IGF1: variants seen among roughly 807,000 people sequenced by gnomAD.
IGF1 encodes insulin like growth factor 1.
A neutral mutation model predicts 13.8 loss-of-function variants in IGF1; 4 were observed. The observed-to-expected ratio is 0.29, with a 90% CI of 0.14 to 0.66. IGF1 has a LOEUF of 0.66. Among genes scored for constraint, IGF1 ranks in the 30% least tolerant of loss-of-function variants. The pLI, the probability that IGF1 is intolerant of heterozygous loss-of-function variation, is 0.78. For synonymous variants in IGF1, 76 were observed against 72.6 expected, an observed-to-expected ratio of 1.05 and a Z score of -0.23; for missense variants, 124 against 188.5, an observed-to-expected ratio of 0.66 and a Z score of 2.00.
Position 102,397,816 on chromosome 12 carries a change from A to G in IGF1, c.*4691T>C, listed in dbSNP as rs1592724019. On this transcript the variant is annotated 3_prime_UTR_variant, in exon 4 of 4. Transcript: ENST00000337514. Reference sequence around the variant, plus strand: ...CTTTTGAAAATATTGGTGGAAAGCCATGTGATTTGAATGGAAAGATTCTTT... The same window carrying G: ...CTTTTGAAAATATTGGTGGAAAGCCGTGTGATTTGAATGGAAAGATTCTTT... 1 of 152,210 alleles carries G rather than the reference A, an allele frequency of 6.6e-6. No individual in the cohort carries two copies. The highest frequency in any genetic ancestry group is 1.5e-5 in the Non-Finnish European group (1 of 68,030). The allele number at this position is 152,210 out of a possible 1,614,324, so 9.4% of individuals were successfully genotyped here. A position where few individuals can be genotyped will look rare whatever the true frequency, so the allele number is the denominator to read the frequency against.
intron 2 of IGF1, among the ~76,000 whole-genome samples, chr12:102,445,884 C>A (rs113829123): frequency 9.2e-5 from 14 of 152,178 alleles, no homozygotes; most frequent in African/African-American, 3.4e-4. Context: ...ATGAACAGCT[C>A]TTATTATTTT....
chr12:102,468,921 G>C (rs751425468), intron 2 of IGF1, among the ~76,000 whole-genome samples: 9 of 152,198 alleles, frequency 5.9e-5, no homozygotes, highest in Non-Finnish European at 1.3e-4. Context: ...CAGAAGGAAG[G>C]CTGCTGAAGA....
chr12:102,413,193 T>TTA (rs1260296702), intron 3 of IGF1, among the ~76,000 whole-genome samples: 1 of 152,230 alleles, frequency 6.6e-6, no homozygotes, highest in South Asian at 2.1e-4. Context: ...CATCTAAAAC[T>TTA]ATTAATCTTT....
At chr12:102,436,589 G>C (rs1468626361) in intron 2 of IGF1, among the ~76,000 whole-genome samples, 1 of 152,050 alleles carries the variant, frequency 6.6e-6, no homozygotes, top group African/African-American at 2.4e-5. Context: ...TCTTTTCATG[G>C]ATCATTCAAA....
rs71303538 is a variant in IGF1, at chr12:102,398,086, TA to T, written c.*4420del. On this transcript the variant is annotated 3_prime_UTR_variant, in exon 4 of 4. Transcript: ENST00000337514. The stretch of plus-strand genomic sequence containing the variant: ...AGAAATTCATAAAGACTGTATAAAG[TA>T]AAAAAAAAAAAAAAACAAAAACAAG... 4,009 of 126,728 alleles carry T rather than the reference TA, an allele frequency of 0.032. 145 individuals carry two copies. The highest frequency in any genetic ancestry group is 0.1 in the African/African-American group (3,530 of 33,642). The allele number at this position is 126,728 out of a possible 1,614,324, so 7.9% of individuals were successfully genotyped here.
intron 1 of IGF1, among the ~76,000 whole-genome samples, chr12:102,476,681 C>T (rs985760781): frequency 3.3e-5 from 5 of 152,136 alleles, no homozygotes; most frequent in Admixed American, 2.0e-4. Context: ...TTTTTAGTCA[C>T]AGGAATTATG....
chr12:102,480,118 C>G (rs921311812), intron 1 of IGF1, among the ~76,000 whole-genome samples: 1 of 152,190 alleles, frequency 6.6e-6, no homozygotes, highest in Admixed American at 6.5e-5. Flanking sequence ...AGTTTCTACT[C>G]ATACAGATAT....
intron 2 of IGF1, among the ~76,000 whole-genome samples, chr12:102,441,675 G>A (rs1000735999): frequency 3.9e-5 from 6 of 152,146 alleles, no homozygotes; most frequent in Admixed American, 2.0e-4. Flanking sequence ...GGAGAAAAGC[G>A]TGACCCAAGG....
At chr12:102,419,457 C>A in intron 3 of IGF1, 52 bp downstream of exon 3, 1 of 1,577,806 alleles carries the variant, frequency 6.3e-7, no homozygotes, top group South Asian at 1.1e-5. Context: ...CACCCACATG[C>A]ACAAGAGAGA....
chr12:102,450,176 G>A (rs976711220), intron 2 of IGF1, among the ~76,000 whole-genome samples: 2 of 152,140 alleles, frequency 1.3e-5, no homozygotes, highest in Non-Finnish European at 2.9e-5. Flanking sequence ...TTATTCCCCT[G>A]TCATTCTTTT....
At chr12:102,441,945 T>TCTCCTTCTCCTTCTCCTTCTC (rs1565984848) in intron 2 of IGF1, among the ~76,000 whole-genome samples, 1 of 142,068 alleles carries the variant, frequency 7.0e-6, no homozygotes, top group Admixed American at 7.7e-5. Context: ...TTCTTCTTCT[T>TCTCCTTCTCCTTCTCCTTCTC]CTTCTTCTTC....
At position 102,398,425 on chromosome 12, in the gene IGF1, A is replaced by G. The variant is rs1158111762; in HGVS notation, c.*4082T>C. 1.3e-5 allele frequency: 2 copies of G among 152,240 alleles called. No homozygotes were observed. Among genetic ancestry groups the G allele is most frequent in the Non-Finnish European group, 2.9e-5 (2 of 68,028 alleles). The allele number at this position is 152,240 out of a possible 1,614,324, so 9.4% of individuals were successfully genotyped here. On this transcript the variant is annotated 3_prime_UTR_variant, in exon 4 of 4. Transcript: ENST00000337514. ...ACTTGCTGAATATCTGTTTTAGAGC[A>G]GAGTGCACAAAAATCAATAAGGAAC...
intron 2 of IGF1, among the ~76,000 whole-genome samples, chr12:102,440,585 G>A (rs1051008370): frequency 3.3e-5 from 5 of 152,132 alleles, no homozygotes; most frequent in East Asian, 1.9e-4. Context: ...CTGTGTTTCC[G>A]CTGCAGTTAG....
chr12:102,468,340 T>C (rs1484256133), intron 2 of IGF1, among the ~76,000 whole-genome samples: 1 of 152,224 alleles, frequency 6.6e-6, no homozygotes, highest in Admixed American at 6.5e-5. Context: ...CATGCAAAGG[T>C]TCTGGCCAGT....
chr12:102,407,271 C>T (rs1160305089), intron 3 of IGF1, among the ~76,000 whole-genome samples: 1 of 151,970 alleles, frequency 6.6e-6, no homozygotes, highest in Admixed American at 6.6e-5. Flanking sequence ...CCTGTCAGTC[C>T]CACGTACAAG....
chr12:102,445,635 G>A (rs1445754860), intron 2 of IGF1, among the ~76,000 whole-genome samples: 3 of 152,140 alleles, frequency 2.0e-5, no homozygotes, highest in African/African-American at 7.2e-5. Flanking sequence ...GGAGATTTGG[G>A]GCTGAGATGA....
intron 2 of IGF1, among the ~76,000 whole-genome samples, chr12:102,464,298 T>C (rs1880140471): frequency 7.0e-6 from 1 of 143,286 alleles, no homozygotes. Context: ...ACATCTCAAG[T>C]AGACTTGTTG....
intron 2 of IGF1, among the ~76,000 whole-genome samples, chr12:102,454,143 CT>C (rs903348972): frequency 2.6e-5 from 4 of 152,188 alleles, no homozygotes; most frequent in African/African-American, 9.6e-5. Flanking sequence ...TCTATGTGCT[CT>C]TCTATTGAGT....
At chr12:102,464,517 T>A (rs1880160447) in intron 2 of IGF1, among the ~76,000 whole-genome samples, 1 of 150,302 alleles carries the variant, frequency 6.7e-6, no homozygotes, top group African/African-American at 2.5e-5. Context: ...GTCTGTGTTC[T>A]TCTGAAAAAG....
Sources: allele counts gnomAD v4.1 joint callset (sites outside exome capture counted in the v4.1 genomes callset), GRCh38; gene constraint gnomAD v4.1.1; transcripts MANE v1.5; gene names NCBI Gene and HGNC (gene_info 2026-07-23, HGNC 2026-07-21).